ANKH: variants seen among roughly 807,000 people sequenced by gnomAD.
ANKH encodes the protein ANKH inorganic pyrophosphate transport regulator.
A neutral mutation model predicts 49.0 loss-of-function variants in ANKH; 15 were observed. The observed-to-expected ratio is 0.31, with a 90% CI of 0.20 to 0.47. The LOEUF (loss-of-function observed/expected upper bound fraction) is 0.47. Among genes scored for constraint, ANKH ranks in the 20% least tolerant of loss-of-function variants. The probability of loss-of-function intolerance (pLI) is 1.00; values close to 1 mark genes in which losing one functional copy is unlikely to be tolerated. For synonymous variants in ANKH, 273 were observed against 260.0 expected, an observed-to-expected ratio of 1.05 and a Z score of -0.48; for missense variants, 429 against 652.0, an observed-to-expected ratio of 0.66 and a Z score of 3.72.
At chr5:14,848,808 G>A (rs781475215) in intron 1 of ANKH, among the ~76,000 whole-genome samples, 4 of 152,172 alleles carry the variant, frequency 2.6e-5, no homozygotes, top group Non-Finnish European at 4.4e-5. Context: ...CTTGTAATCC[G>A]TGAGGCCAAG....
intron 8 of ANKH, among the ~76,000 whole-genome samples, chr5:14,730,516 C>T (rs1737961930): frequency 6.6e-6 from 1 of 152,066 alleles, no homozygotes; most frequent in African/African-American, 2.4e-5. Context: ...CCTCATGGTC[C>T]CCAGGTGTGG....
chr5:14,774,907 G>GACAAAA (rs1224896112), intron 1 of ANKH, among the ~76,000 whole-genome samples: 1 of 151,750 alleles, frequency 6.6e-6, no homozygotes, highest in Non-Finnish European at 1.5e-5. Flanking sequence ...CATTTACTGT[G>GACAAAA]ATATGTACTG....
At chr5:14,746,338 C>T (rs1738542318) in intron 6 of ANKH, among the ~76,000 whole-genome samples, 1 of 150,264 alleles carries the variant, frequency 6.7e-6, no homozygotes, top group Admixed American at 6.6e-5. Flanking sequence ...TGAGGGAGAC[C>T]AGAGTTTATT....
intron 2 of ANKH, 106 bp downstream of exon 2, chr5:14,768,869 G>T: frequency 1.6e-6 from 2 of 1,242,578 alleles, no homozygotes; most frequent in South Asian, 1.2e-5. Flanking sequence ...AGAAACATTT[G>T]ATAATTAGTG....
At chr5:14,857,226 G>A (rs756037939) in intron 1 of ANKH, among the ~76,000 whole-genome samples, 1 of 151,994 alleles carries the variant, frequency 6.6e-6, no homozygotes, top group African/African-American at 2.4e-5. Context: ...GATCTTCCCA[G>A]ATATACAGGG....
intron 1 of ANKH, among the ~76,000 whole-genome samples, chr5:14,791,151 C>A (rs1243519267): frequency 6.6e-6 from 1 of 152,168 alleles, no homozygotes; most frequent in Non-Finnish European, 1.5e-5. Flanking sequence ...AGCTGGAAAT[C>A]ACGTGGACCA....
At position 14,749,282 on chromosome 5, in the gene ANKH, G is replaced by A. The variant is rs1453301795; in HGVS notation, c.712C>T (p.Leu238=). ...AGAGCCAAAGGCCACCAGAAGCTCA[G>A]CATCTTTCTTATTGTTGCATCTCCC... ...LGGDATIRKM[L]SFWWPLALIL... The change falls in exon 6 of 12, where the codon CTG becomes TTG. Residue 238 remains leucine, a synonymous_variant. Coordinates refer to ENST00000284268, the MANE Select transcript of ANKH (RefSeq NM_054027.6). The A allele has an allele frequency of 1.9e-6, 3 of 1,614,108 alleles. No individual in the cohort carries two copies. Among genetic ancestry groups the A allele is most frequent in the Non-Finnish European group, 2.5e-6 (3 of 1,180,044 alleles).
chr5:14,821,507 A>G (rs1009680071), intron 1 of ANKH, among the ~76,000 whole-genome samples: 1 of 152,256 alleles, frequency 6.6e-6, no homozygotes, highest in Non-Finnish European at 1.5e-5. Context: ...TTATGAATTA[A>G]CACTGACCGT....
intron 1 of ANKH, among the ~76,000 whole-genome samples, chr5:14,783,289 T>TAC (rs57904537): frequency 0.045 from 6,571 of 144,530 alleles, 181 homozygotes; most frequent in African/African-American, 0.076. Context: ...GCCACCATTC[T>TAC]ACACACACAC....
At chr5:14,865,097 C>A (rs1735606728) in intron 1 of ANKH, among the ~76,000 whole-genome samples, 1 of 152,042 alleles carries the variant, frequency 6.6e-6, no homozygotes, top group Non-Finnish European at 1.5e-5. Context: ...CCTGTCACTA[C>A]TAAAAATATA....
At chr5:14,751,325 G>A in intron 4 of ANKH, 86 bp from the exon 5 acceptor site, 1 of 1,372,172 alleles carries the variant, frequency 7.3e-7, no homozygotes, top group African/African-American at 1.4e-5. Context: ...TTGAACCTGA[G>A]ACAGACCTCT....
At chr5:14,734,041 T>C (rs1428444729) in intron 8 of ANKH, among the ~76,000 whole-genome samples, 1 of 152,278 alleles carries the variant, frequency 6.6e-6, no homozygotes, top group African/African-American at 2.4e-5. Flanking sequence ...TCACCATTTG[T>C]GTGGGATGGC....
chr5:14,867,296 T>TC (rs1735675662), intron 1 of ANKH, among the ~76,000 whole-genome samples: 1 of 152,148 alleles, frequency 6.6e-6, no homozygotes, highest in African/African-American at 2.4e-5. Flanking sequence ...AGCTCTGCCA[T>TC]TTACTACCCG....
intron 8 of ANKH, among the ~76,000 whole-genome samples, chr5:14,727,897 G>A (rs1737871183): frequency 6.6e-6 from 1 of 152,050 alleles, no homozygotes; most frequent in Admixed American, 6.5e-5. Flanking sequence ...AAAACATTTG[G>A]AACCTGCTTA....
At chr5:14,780,295 C>T (rs1312093035) in intron 1 of ANKH, among the ~76,000 whole-genome samples, 2 of 152,186 alleles carry the variant, frequency 1.3e-5, no homozygotes, top group East Asian at 1.9e-4. Context: ...GTAATCCCAG[C>T]ACTTTGGGAG....
intron 1 of ANKH, among the ~76,000 whole-genome samples, chr5:14,848,777 G>T (rs1481971949): frequency 3.9e-5 from 6 of 152,308 alleles, no homozygotes; most frequent in African/African-American, 1.2e-4. Flanking sequence ...AACACTCACC[G>T]CATGGCCCAA....
At chr5:14,791,957 C>A (rs1308281548) in intron 1 of ANKH, among the ~76,000 whole-genome samples, 4 of 152,198 alleles carry the variant, frequency 2.6e-5, no homozygotes, top group African/African-American at 9.7e-5. Flanking sequence ...CTGGTCCCTG[C>A]CTTCAAGGAA....
At chr5:14,728,214 T>C (rs1737881513) in intron 8 of ANKH, among the ~76,000 whole-genome samples, 1 of 152,242 alleles carries the variant, frequency 6.6e-6, no homozygotes, top group South Asian at 2.1e-4. Flanking sequence ...ACTCCCCAGA[T>C]AGATGCCTTA....
At chr5:14,757,737 G>C (rs1045873019) in intron 3 of ANKH, among the ~76,000 whole-genome samples, 22 of 151,998 alleles carry the variant, frequency 1.4e-4, no homozygotes, top group Admixed American at 4.6e-4. Context: ...ATTTTCAAAT[G>C]GGCTTTCCTG....
Sources: allele counts gnomAD v4.1 joint callset (sites outside exome capture counted in the v4.1 genomes callset), GRCh38; gene constraint gnomAD v4.1.1; transcripts MANE v1.5; gene names NCBI Gene and HGNC (gene_info 2026-07-23, HGNC 2026-07-21).